TNIK: variants seen among roughly 807,000 people sequenced by gnomAD.
The protein encoded by TNIK is TRAF2 and NCK interacting kinase, also known as TRAF2 and NCK-interacting protein kinase.
TNIK carries 49 observed loss-of-function variants against 191.3 expected under a neutral mutation model. That is an observed-to-expected ratio of 0.26 (90% confidence interval 0.20 to 0.32). The LOEUF (loss-of-function observed/expected upper bound fraction) is 0.32. Among genes scored for constraint, TNIK ranks in the 10% least tolerant of loss-of-function variants. The probability of loss-of-function intolerance (pLI) is 1.00; values close to 1 mark genes in which losing one functional copy is unlikely to be tolerated. For synonymous variants in TNIK, 594 were observed against 600.9 expected, an observed-to-expected ratio of 0.99 and a Z score of 0.17; for missense variants, 1,155 against 1,702.3, an observed-to-expected ratio of 0.68 and a Z score of 5.66.
In TNIK at chr3:171,061,226, A is replaced by G. The variant is rs1184909492; in HGVS notation, c.*2655T>C. The G allele has an allele frequency of 6.6e-6, 1 of 152,188 alleles. No individual in the cohort carries two copies. The highest frequency in any genetic ancestry group is 2.4e-5 in the African/African-American group (1 of 41,452). 9.4% of individuals were successfully genotyped at this position (152,188 alleles called of 1,614,324 possible). A position where few individuals can be genotyped will look rare whatever the true frequency, so the allele number is the denominator to read the frequency against. On this transcript the variant is annotated 3_prime_UTR_variant, in exon 33 of 33. Coordinates refer to ENST00000436636, the MANE Select transcript of TNIK (RefSeq NM_015028.4). ...TTTTTGAAGATAAAAGCTTCAGTGA[A>G]TTCTTTAAATATCTGTCTTTTAAAG...
chr3:171,139,667 GA>G, intron 13 of TNIK, 111 bp from the exon 14 acceptor site: 1 of 764,822 alleles, frequency 1.3e-6, no homozygotes, highest in Non-Finnish European at 2.2e-6. Context: ...GGAAGGAGGG[GA>G]AAAATACCCA....
intron 2 of TNIK, among the ~76,000 whole-genome samples, chr3:171,247,368 A>C (rs894866430): frequency 6.6e-6 from 1 of 152,276 alleles, no homozygotes; most frequent in Non-Finnish European, 1.5e-5. Flanking sequence ...CAGGACATGT[A>C]GATGGTGTTT....
intron 2 of TNIK, among the ~76,000 whole-genome samples, chr3:171,268,036 A>G (rs1311485170): frequency 6.6e-6 from 1 of 151,878 alleles, no homozygotes; most frequent in African/African-American, 2.4e-5. Context: ...TCAAGACTAC[A>G]CTCTGAGGAG....
chr3:171,282,341 G>GTTTTTTTTTTTTTTTTTT (rs869305605), intron 2 of TNIK, among the ~76,000 whole-genome samples: 10 of 79,950 alleles, frequency 1.3e-4, no homozygotes, highest in African/African-American at 4.0e-4. Flanking sequence ...ATGGTTTTTT[G>GTTTTTTTTTTTTTTTTTT]TTTTTTTTTT....
At position 171,094,116 on chromosome 3, in the gene TNIK, G is replaced by C. The variant is rs542453173; in HGVS notation, c.2592-148C>G. 3.8e-6 allele frequency: 4 copies of C among 1,063,630 alleles called. No individual in the cohort carries two copies. The East Asian group carries it at 1.2e-4, about 33-fold the overall frequency. 65.9% of individuals were successfully genotyped at this position (1,063,630 alleles called of 1,614,324 possible). ...ACCAATTTTAAGTGTACATGTCAGT[G>C]GTCTTAAGTACATCTCATATTAATT... On this transcript the variant is annotated intron_variant, in intron 22 of 32. Transcript: ENST00000436636.
At chr3:171,131,213 C>T (rs941941078) in intron 15 of TNIK, among the ~76,000 whole-genome samples, 2 of 150,956 alleles carry the variant, frequency 1.3e-5, no homozygotes, top group South Asian at 2.1e-4. Context: ...TAGCGGGCGC[C>T]GGTAGTCCCA....
intron 2 of TNIK, among the ~76,000 whole-genome samples, chr3:171,352,272 C>T (rs1462148643): frequency 6.6e-6 from 1 of 152,188 alleles, no homozygotes; most frequent in Admixed American, 6.6e-5. Flanking sequence ...TCCATATCTT[C>T]ATGTGGCATT....
rs199693653 is a variant in TNIK, at chr3:171,442,901, T to TAA, written c.57+17104_57+17105dup. On this transcript the variant is annotated intron_variant, in intron 1 of 32. Coordinates refer to ENST00000436636, the MANE Select transcript of TNIK (RefSeq NM_015028.4). The stretch of plus-strand genomic sequence containing the variant: ...TTTTACATCTGTTCTTCTCCCAAAA[T>TAA]AAAAGCTGTTTATATTCAAGAAATG... Among the ~76,000 whole-genome samples the TAA allele has an allele frequency of 7.7e-3, 1,169 of 152,290 alleles. 14 individuals carry two copies. The highest frequency in any genetic ancestry group is 0.027 in the African/African-American group (1,115 of 41,558).
At chr3:171,305,940 C>G (rs1338657211) in intron 2 of TNIK, among the ~76,000 whole-genome samples, 2 of 152,048 alleles carry the variant, frequency 1.3e-5, no homozygotes, top group Non-Finnish European at 2.9e-5. Flanking sequence ...GCAGTATTCA[C>G]AATAGCAAAG....
At chr3:171,433,622 C>A (rs1725643669) in intron 1 of TNIK, among the ~76,000 whole-genome samples, 1 of 152,120 alleles carries the variant, frequency 6.6e-6, no homozygotes, top group Non-Finnish European at 1.5e-5. Context: ...GCAACAAAAA[C>A]ACAAATTATA....
chr3:171,101,368 C>A, intron 22 of TNIK, 81 bp downstream of exon 22: 1 of 1,468,568 alleles, frequency 6.8e-7, no homozygotes, highest in Non-Finnish European at 9.1e-7. Context: ...TACAATCTTA[C>A]ATTTAACTCA....
chr3:171,256,409 A>G (rs931251746), intron 2 of TNIK, among the ~76,000 whole-genome samples: 18 of 152,196 alleles, frequency 1.2e-4, no homozygotes, highest in African/African-American at 4.1e-4. Flanking sequence ...TTGCTGGGAA[A>G]TAGCCAGGAT....
chr3:171,351,257 A>G (rs1266373492), intron 2 of TNIK, among the ~76,000 whole-genome samples: 3 of 81,202 alleles, frequency 3.7e-5, no homozygotes, highest in Non-Finnish European at 8.8e-5. Flanking sequence ...GAAAATATAT[A>G]TATATATGTA....
rs1242225629 is a variant in TNIK at position 171,128,761 on chromosome 3, C to T, written c.1726G>A (p.Val576Ile). The change falls in exon 16 of 33, where the codon GTT becomes ATT. Residue 576 changes from valine to isoleucine, a missense_variant. Val to Ile is a conservative substitution (Grantham distance 29, BLOSUM62 3). This residue lies in a region of TNIK where 735 missense variants were observed against 848.0 expected (regional missense o/e 0.87). Transcript: ENST00000436636. ...PRSESFSISG[V>I]QPARTPPMLR... Reference sequence around the variant, plus strand: ...ATGGGGGGTGTTCGAGCAGGCTGAACTCCACTAATGCTGAAGGACTCCGAC... The same window carrying T: ...ATGGGGGGTGTTCGAGCAGGCTGAATTCCACTAATGCTGAAGGACTCCGAC... 9 of 1,613,400 alleles carry T rather than the reference C, an allele frequency of 5.6e-6. No homozygotes were observed. Among genetic ancestry groups the T allele is most frequent in the Non-Finnish European group, 6.8e-6 (8 of 1,179,788 alleles).
chr3:171,458,987 C>T (rs902782526), intron 1 of TNIK, among the ~76,000 whole-genome samples: 3 of 152,176 alleles, frequency 2.0e-5, no homozygotes, highest in Admixed American at 2.0e-4. Context: ...CCCCCTTCCC[C>T]AAAGGAGTGT....
chr3:171,085,171 T>G lies in TNIK; in HGVS notation c.2945A>C (p.Tyr982Ser), dbSNP rs1576764602. Reference sequence around the variant, plus strand: ...ATCTTCATCAGTGGGAGACGTCTGGTATACTCTGGGGTCCACAAAGGGGGT... The same window carrying G: ...ATCTTCATCAGTGGGAGACGTCTGGGATACTCTGGGGTCCACAAAGGGGGT... ...SFTPFVDPRV[Y>S]QTSPTDEDEE... The change falls in exon 25 of 33, where the codon TAC (tyrosine) becomes TCC (serine). Residue 982 changes from tyrosine to serine, a missense_variant. Physicochemically the swap from Tyr to Ser is moderately radical, Grantham distance 144. This residue lies in a region of TNIK where 735 missense variants were observed against 848.0 expected (regional missense o/e 0.87). Coordinates refer to ENST00000436636, the MANE Select transcript of TNIK (RefSeq NM_015028.4). 1 of 1,612,238 alleles carries G rather than the reference T, an allele frequency of 6.2e-7. No homozygotes were observed. Among genetic ancestry groups the G allele is most frequent in the South Asian group, 1.1e-5 (1 of 90,412 alleles).
intron 1 of TNIK, among the ~76,000 whole-genome samples, chr3:171,370,224 T>C (rs991450551): frequency 6.6e-6 from 1 of 152,208 alleles, no homozygotes; most frequent in Non-Finnish European, 1.5e-5. Context: ...AGTTTTTCTT[T>C]GGATTCATCT....
At chr3:171,096,946 G>A (rs56983436) in intron 22 of TNIK, among the ~76,000 whole-genome samples, 1 of 152,014 alleles carries the variant, frequency 6.6e-6, no homozygotes, top group Non-Finnish European at 1.5e-5. Context: ...ATATTATTTG[G>A]ATATTTAAAA....
chr3:171,181,178 A>T (rs906471284), intron 7 of TNIK, among the ~76,000 whole-genome samples: 5 of 152,234 alleles, frequency 3.3e-5, no homozygotes, highest in African/African-American at 1.2e-4. Context: ...TCCGAATTCA[A>T]ATAGAGGTTT....
Sources: gnomAD v4.1 joint callset for allele counts (sites outside exome capture counted in the v4.1 genomes callset) on GRCh38, gnomAD v4.1.1 for gene constraint, gnomAD v4.1.1 regional missense constraint, MANE v1.5 for transcripts, NCBI Gene and HGNC (gene_info 2026-07-23, HGNC 2026-07-21) for gene names.